The following UST variants were observed in gnomAD, a reference collection of about 807,000 sequenced individuals.
UST encodes uronyl 2-sulfotransferase.
Under a neutral mutation model 45.6 loss-of-function variants are expected in UST, and 21 were observed. The observed-to-expected ratio is 0.46, with a 90% CI of 0.33 to 0.66. UST has a LOEUF of 0.66. Ranked by LOEUF, UST falls within the 30% of genes least tolerant of loss-of-function variation. The pLI, the probability that UST is intolerant of heterozygous loss-of-function variation, is 0.02. For missense variants in UST, 463 were observed against 512.4 expected, an observed-to-expected ratio of 0.90 and a Z score of 0.93; for synonymous variants, 215 against 200.6, an observed-to-expected ratio of 1.07 and a Z score of -0.61.
intron 1 of UST, among the ~76,000 whole-genome samples, chr6:148,782,505 C>T (rs892824688): frequency 2.0e-5 from 3 of 151,944 alleles, no homozygotes; most frequent in Non-Finnish European, 4.4e-5. Flanking sequence ...GGCTGGAGTG[C>T]AGTGGCGCGA....
At chr6:149,073,003 T>C (rs2115048058) in intron 7 of UST, among the ~76,000 whole-genome samples, 1 of 152,346 alleles carries the variant, frequency 6.6e-6, no homozygotes, top group South Asian at 2.1e-4. Context: ...TAAAAATAGT[T>C]AAAATTGTAC....
intron 7 of UST, among the ~76,000 whole-genome samples, chr6:149,069,421 A>T (rs537203912): frequency 1.3e-5 from 2 of 152,334 alleles, no homozygotes; most frequent in South Asian, 2.1e-4. Context: ...ATTGGCTTTT[A>T]ATAATAGCTA....
intron 5 of UST, among the ~76,000 whole-genome samples, chr6:149,003,571 C>G (rs1781592995): frequency 1.3e-5 from 2 of 152,104 alleles, no homozygotes; most frequent in Admixed American, 1.3e-4. Context: ...TGATTGTTAG[C>G]CAAAAACACT....
At chr6:148,818,664 A>C (rs1777400113) in intron 1 of UST, among the ~76,000 whole-genome samples, 3 of 152,206 alleles carry the variant, frequency 2.0e-5, no homozygotes, top group African/African-American at 7.2e-5. Flanking sequence ...AAGTTCAAAG[A>C]GTCTTTGCCA....
chr6:148,915,655 A>G (rs1329082094), intron 2 of UST, among the ~76,000 whole-genome samples: 1 of 152,240 alleles, frequency 6.6e-6, no homozygotes, highest in East Asian at 1.9e-4. Context: ...GTAGTTTAGA[A>G]TTGTATCCTA....
chr6:148,906,393 T>C (rs1779361047), intron 2 of UST, among the ~76,000 whole-genome samples: 1 of 152,220 alleles, frequency 6.6e-6, no homozygotes. Context: ...TGCTACAAAT[T>C]AACTTCATCA....
intron 1 of UST, among the ~76,000 whole-genome samples, chr6:148,809,969 C>G (rs772211577): frequency 3.9e-5 from 6 of 152,188 alleles, no homozygotes; most frequent in Non-Finnish European, 5.9e-5. Context: ...AAGTTGGTAT[C>G]AATTTGAGAG....
intron 4 of UST, among the ~76,000 whole-genome samples, chr6:148,958,434 T>C (rs1780570680): frequency 6.6e-6 from 1 of 152,192 alleles, no homozygotes; most frequent in Non-Finnish European, 1.5e-5. Flanking sequence ...TGGAACTCCC[T>C]AGAAATTCAA....
chr6:148,764,551 G>A (rs1272045311), intron 1 of UST, among the ~76,000 whole-genome samples: 1 of 152,054 alleles, frequency 6.6e-6, no homozygotes, highest in African/African-American at 2.4e-5. Flanking sequence ...TTCCTTAAGT[G>A]TCGGCCGGTC....
intron 6 of UST, among the ~76,000 whole-genome samples, chr6:149,019,697 A>G (rs958963924): frequency 2.0e-5 from 3 of 152,156 alleles, no homozygotes; most frequent in African/African-American, 4.8e-5. Flanking sequence ...CCACACCTCA[A>G]TCCCATAGTG....
In UST at chr6:148,778,253, A is replaced by G. The variant is rs56289985; in HGVS notation, c.247+30576A>G. On this transcript the variant is annotated intron_variant, in intron 1 of 7. Coordinates refer to ENST00000367463, the MANE Select transcript of UST (RefSeq NM_005715.3). ...CCTGGAGTACAGAGCCCTAGTTCCAAATTTTTTTCCAAGGCCACTCAGAAA... is the reference window on the plus strand; with the variant it reads ...CCTGGAGTACAGAGCCCTAGTTCCAGATTTTTTTCCAAGGCCACTCAGAAA... 7.6e-3 allele frequency among the ~76,000 whole-genome samples: 1,150 copies of G among 152,282 alleles called. 18 individuals are homozygous for G. Among genetic ancestry groups the G allele is most frequent in the African/African-American group, 0.026 (1,084 of 41,542 alleles).
chr6:148,770,029 G>T (rs1390461610), intron 1 of UST, among the ~76,000 whole-genome samples: 1 of 151,996 alleles, frequency 6.6e-6, no homozygotes, highest in Admixed American at 6.6e-5. Flanking sequence ...TGTAAAGAAC[G>T]ATTAAGAGTT....
At chr6:148,889,014 T>A (rs539737565) in intron 2 of UST, among the ~76,000 whole-genome samples, 10 of 152,362 alleles carry the variant, frequency 6.6e-5, no homozygotes, top group African/African-American at 2.2e-4. Flanking sequence ...AGCTGGAATC[T>A]GAATTAGGTC....
intron 1 of UST, among the ~76,000 whole-genome samples, chr6:148,860,260 G>A (rs931499443): frequency 2.0e-5 from 3 of 152,156 alleles, no homozygotes; most frequent in Non-Finnish European, 2.9e-5. Flanking sequence ...TGAAGCAATT[G>A]TGAATGGGAG....
intron 7 of UST, among the ~76,000 whole-genome samples, chr6:149,068,403 G>A (rs1776772287): frequency 6.6e-6 from 1 of 152,174 alleles, no homozygotes; most frequent in African/African-American, 2.4e-5. Flanking sequence ...GTTATTGTGA[G>A]GATTAAGTAT....
intron 2 of UST, among the ~76,000 whole-genome samples, chr6:148,914,124 C>T (rs1176152025): frequency 6.6e-6 from 1 of 152,154 alleles, no homozygotes; most frequent in Non-Finnish European, 1.5e-5. Flanking sequence ...CATTCCAATG[C>T]AGTATTTTGA....
At chr6:148,963,648 A>C (rs2114956996) in intron 4 of UST, among the ~76,000 whole-genome samples, 1 of 152,300 alleles carries the variant, frequency 6.6e-6, no homozygotes, top group East Asian at 1.9e-4. Context: ...TCCCACACAA[A>C]ATTTCCTCAA....
chr6:148,916,211 G>A (rs1779586130), intron 2 of UST, among the ~76,000 whole-genome samples: 1 of 152,100 alleles, frequency 6.6e-6, no homozygotes, highest in African/African-American at 2.4e-5. Context: ...CATAATATTG[G>A]CGTTATTACT....
At chr6:148,774,838 G>T (rs949008768) in intron 1 of UST, among the ~76,000 whole-genome samples, 1 of 152,162 alleles carries the variant, frequency 6.6e-6, no homozygotes, top group South Asian at 2.1e-4. Flanking sequence ...GACCAACATG[G>T]TGAAACCCCG....
Sources: allele counts gnomAD v4.1 joint callset (sites outside exome capture counted in the v4.1 genomes callset), GRCh38; gene constraint gnomAD v4.1.1; transcripts MANE v1.5; gene names NCBI Gene and HGNC (gene_info 2026-07-23, HGNC 2026-07-21).